Variants in PPP2R2B observed in about 807,000 individuals in gnomAD.
The protein encoded by PPP2R2B is serine/threonine-protein phosphatase 2A 55 kDa regulatory subunit B beta isoform.
In PPP2R2B, 5 loss-of-function variants were observed where a neutral mutation model predicts 46.0. The observed-to-expected ratio is 0.11, with a 90% CI of 0.06 to 0.23. The LOEUF (loss-of-function observed/expected upper bound fraction) is 0.23. Among genes scored for constraint, PPP2R2B ranks in the 10% least tolerant of loss-of-function variants. The probability of loss-of-function intolerance (pLI) is 1.00; values close to 1 mark genes in which losing one functional copy is unlikely to be tolerated. For synonymous variants in PPP2R2B, 215 were observed against 206.7 expected (o/e 1.04, Z -0.34); for missense variants, 367 against 575.0 (o/e 0.64, Z 3.70).
intron 1 of PPP2R2B, among the ~76,000 whole-genome samples, chr5:147,004,256 G>A (rs1055731695): frequency 2.1e-5 from 3 of 142,854 alleles, no homozygotes; most frequent in South Asian, 2.3e-4. Context: ...CTATGCCGAG[G>A]CAATCACTAG....
intron 2 of PPP2R2B, among the ~76,000 whole-genome samples, chr5:146,845,283 C>T (rs1759915756): frequency 6.9e-6 from 1 of 145,316 alleles, no homozygotes. Context: ...TAATTTATGA[C>T]TATTTCTTTT....
intron 1 of PPP2R2B, among the ~76,000 whole-genome samples, chr5:147,044,661 G>A (rs1000727302): frequency 2.0e-5 from 3 of 152,032 alleles, no homozygotes; most frequent in Non-Finnish European, 4.4e-5. Context: ...TGTCATCTGG[G>A]TTGTAGGACG....
At chr5:146,868,227 G>A (rs746787385) in intron 2 of PPP2R2B, among the ~76,000 whole-genome samples, 9 of 152,210 alleles carry the variant, frequency 5.9e-5, no homozygotes, top group Non-Finnish European at 1.3e-4. Context: ...TCAAAGTCAT[G>A]GCTGCCCAGA....
intron 2 of PPP2R2B, among the ~76,000 whole-genome samples, chr5:146,761,967 T>C (rs1029113223): frequency 1.3e-5 from 2 of 152,176 alleles, no homozygotes; most frequent in Non-Finnish European, 2.9e-5. Flanking sequence ...AGAGAAGGGC[T>C]GTAGGAGGAG....
chr5:146,835,431 G>A (rs528382703), intron 2 of PPP2R2B, among the ~76,000 whole-genome samples: 65 of 152,158 alleles, frequency 4.3e-4, no homozygotes, highest in Middle Eastern at 3.4e-3. Context: ...CAGTTGACCT[G>A]GGCCCCACCC....
At chr5:146,707,266 T>C in intron 2 of PPP2R2B, 2 of 1,585,206 alleles carry the variant, frequency 1.3e-6, no homozygotes, top group Non-Finnish European at 1.7e-6. Flanking sequence ...CAGCATCTTG[T>C]TCTGCTGCTC....
chr5:146,842,959 C>T (rs941762010), intron 2 of PPP2R2B, among the ~76,000 whole-genome samples: 12 of 152,276 alleles, frequency 7.9e-5, no homozygotes, highest in Middle Eastern at 6.8e-3. Flanking sequence ...GAGGCCGAGG[C>T]GGGTGGATCA....
chr5:146,982,737 G>A (rs951137790), intron 1 of PPP2R2B, among the ~76,000 whole-genome samples: 1 of 152,002 alleles, frequency 6.6e-6, no homozygotes, highest in African/African-American at 2.4e-5. Flanking sequence ...TATGCACTTA[G>A]GATTGTTATG....
intron 1 of PPP2R2B, among the ~76,000 whole-genome samples, chr5:146,906,581 C>A (rs1293509846): frequency 1.3e-5 from 2 of 152,226 alleles, no homozygotes; most frequent in Non-Finnish European, 2.9e-5. Context: ...CTCGGCCTCC[C>A]AAAGTGCTGG....
At chr5:146,600,660 C>T (rs1405675769) in intron 7 of PPP2R2B, among the ~76,000 whole-genome samples, 200 bp from the exon 8 acceptor site, 1 of 152,092 alleles carries the variant, frequency 6.6e-6, no homozygotes, top group East Asian at 1.9e-4. Context: ...TTTTAATTCT[C>T]ATGGAAGGAC....
At chr5:146,802,350 G>A (rs191808856) in intron 2 of PPP2R2B, among the ~76,000 whole-genome samples, 1 of 152,150 alleles carries the variant, frequency 6.6e-6, no homozygotes, top group Non-Finnish European at 1.5e-5. Flanking sequence ...GAACTCAACA[G>A]GGGGGTGGCA....
intron 1 of PPP2R2B, among the ~76,000 whole-genome samples, chr5:146,960,089 A>G (rs750002433): frequency 2.6e-5 from 4 of 152,140 alleles, no homozygotes; most frequent in African/African-American, 7.2e-5. Flanking sequence ...ATAATACTAC[A>G]TTGTTTCAGG....
intron 1 of PPP2R2B, among the ~76,000 whole-genome samples, chr5:146,943,679 T>A (rs1403411429): frequency 6.6e-6 from 1 of 152,176 alleles, no homozygotes; most frequent in African/African-American, 2.4e-5. Flanking sequence ...CACTCATTTT[T>A]TTTTTTTATA....
Position 146,581,523 on chromosome 5 carries a change from T to C in PPP2R2B, c.*8424A>G, listed in dbSNP as rs949725563. The C allele has an allele frequency of 6.6e-6, 1 of 152,236 alleles. No homozygotes were observed. Among genetic ancestry groups the C allele is most frequent in the Non-Finnish European group, 1.5e-5 (1 of 68,042 alleles). The allele number at this position is 152,236 out of a possible 1,614,324, so 9.4% of individuals were successfully genotyped here. A position where few individuals can be genotyped will look rare whatever the true frequency, so the allele number is the denominator to read the frequency against. On this transcript the variant is annotated 3_prime_UTR_variant, in exon 10 of 10. Coordinates refer to ENST00000394411, the MANE Select transcript of PPP2R2B (RefSeq NM_181675.4). ...GACACAGATCCAAATCATGTCAATA[T>C]ATAATTAACCTTTCTGCCTTTTCAA... is the stretch of plus-strand genomic sequence containing the variant.
At chr5:147,066,132 A>T (rs1436406216) in intron 2 of PPP2R2B, among the ~76,000 whole-genome samples, 1 of 152,162 alleles carries the variant, frequency 6.6e-6, no homozygotes, top group Non-Finnish European at 1.5e-5. Context: ...CTGGGTTTAA[A>T]TCATAGGTTT....
rs1485557515 is a variant in PPP2R2B, at chr5:146,584,966, G to A, written c.*4981C>T. The A allele has an allele frequency of 6.6e-6, 1 of 152,122 alleles. No individual in the cohort carries two copies. The allele number at this position is 152,122 out of a possible 1,614,324, so 9.4% of individuals were successfully genotyped here. A position where few individuals can be genotyped will look rare whatever the true frequency, so the allele number is the denominator to read the frequency against. On this transcript the variant is annotated 3_prime_UTR_variant, in exon 10 of 10. Coordinates refer to ENST00000394411, the MANE Select transcript of PPP2R2B (RefSeq NM_181675.4). ...ATTCTGCTTAGATGACACATTCTGA[G>A]AACCTTTTCTTATCACTCATTGATT...
At chr5:146,773,265 T>G (rs1561895472) in intron 2 of PPP2R2B, among the ~76,000 whole-genome samples, 1 of 152,230 alleles carries the variant, frequency 6.6e-6, no homozygotes, top group Non-Finnish European at 1.5e-5. Context: ...CACAGCCGTT[T>G]GCATTCCAGG....
intron 1 of PPP2R2B, among the ~76,000 whole-genome samples, chr5:147,017,782 AG>A (rs983339322): frequency 2.0e-5 from 3 of 152,134 alleles, no homozygotes; most frequent in African/African-American, 7.2e-5. Flanking sequence ...AAAACAAGAC[AG>A]GGTTAAGCCT....
At chr5:146,886,211 C>T (rs1325142353) in intron 1 of PPP2R2B, among the ~76,000 whole-genome samples, 4 of 151,938 alleles carry the variant, frequency 2.6e-5, no homozygotes, top group Non-Finnish European at 5.9e-5. Flanking sequence ...TGGTGGCGGG[C>T]CCCTGTAGTC....
Sources: gnomAD v4.1 joint callset for allele counts (sites outside exome capture counted in the v4.1 genomes callset) on GRCh38, gnomAD v4.1.1 for gene constraint, MANE v1.5 for transcripts, NCBI Gene and HGNC (gene_info 2026-07-23, HGNC 2026-07-21) for gene names.